The following UBAP2 variants were observed in gnomAD, a reference collection of about 807,000 sequenced individuals.
UBAP2 encodes ubiquitin associated protein 2, also known as ubiquitin-associated protein 2.
UBAP2 carries 75 observed loss-of-function variants against 139.6 expected under a neutral mutation model. That is an observed-to-expected ratio of 0.54 (90% confidence interval 0.45 to 0.65). The LOEUF is 0.65. Ranked by LOEUF, UBAP2 falls within the 30% of genes least tolerant of loss-of-function variation. The probability of loss-of-function intolerance (pLI) is 0.00; values close to 1 mark genes in which losing one functional copy is unlikely to be tolerated. For synonymous variants in UBAP2, 526 were observed against 526.2 expected, an observed-to-expected ratio of 1.00 and a Z score of 0.01; for missense variants, 1,368 against 1,369.6, an observed-to-expected ratio of 1.00 and a Z score of 0.02.
intron 6 of UBAP2, among the ~76,000 whole-genome samples, chr9:33,977,496 C>G (rs1482335333): frequency 6.6e-6 from 1 of 152,076 alleles, no homozygotes; most frequent in Non-Finnish European, 1.5e-5. Context: ...CTGGAATGAA[C>G]AGATTAATCT....
chr9:33,977,228 G>A (rs1314672312), intron 6 of UBAP2, among the ~76,000 whole-genome samples: 6 of 151,388 alleles, frequency 4.0e-5, no homozygotes, highest in South Asian at 2.1e-4. Flanking sequence ...TATTAGAGAC[G>A]GGGTTTCACC....
chr9:33,983,006 T>C (rs1012131181), intron 6 of UBAP2, among the ~76,000 whole-genome samples: 1 of 151,842 alleles, frequency 6.6e-6, no homozygotes, highest in South Asian at 2.1e-4. Flanking sequence ...GGCCTCCAAG[T>C]AGCTGGGACT....
In UBAP2 at chr9:33,985,076, T is replaced by C. The variant is rs180982480; in HGVS notation, c.520+1684A>G. 1.2e-3 allele frequency among the ~76,000 whole-genome samples: 183 copies of C among 152,190 alleles called. 2 individuals are homozygous for C. Among genetic ancestry groups the C allele is most frequent in the Non-Finnish European group, 5.4e-4 (37 of 67,986 alleles). On this transcript the variant is annotated intron_variant, in intron 6 of 28. Coordinates refer to ENST00000379238, the MANE Select transcript of UBAP2 (RefSeq NM_001370062.2). The stretch of plus-strand genomic sequence containing the variant: ...ATGGAGATTTATCAAAAACAAAAAA[T>C]TGAATTACCGTATGATCCAGCAATC...
intron 8 of UBAP2, among the ~76,000 whole-genome samples, chr9:33,964,943 C>A (rs12683890): frequency 0.13 from 19,986 of 152,096 alleles, 1,572 homozygotes; most frequent in South Asian, 0.33. Flanking sequence ...CCTTTAAAGC[C>A]ATTTTAATAG....
At chr9:34,007,421 A>G (rs1394554924) in intron 2 of UBAP2, among the ~76,000 whole-genome samples, 1 of 151,334 alleles carries the variant, frequency 6.6e-6, no homozygotes, top group Admixed American at 6.6e-5. Context: ...TCTTGAGCCT[A>G]GGGGGGTCAA....
At chr9:33,947,265 CTA>C (rs1032925122) in intron 13 of UBAP2, among the ~76,000 whole-genome samples, 5 of 152,290 alleles carry the variant, frequency 3.3e-5, no homozygotes, top group African/African-American at 1.2e-4. Context: ...CCCTGTCTCT[CTA>C]TATGCCCTAA....
Position 33,923,166 on chromosome 9 carries a change from A to G in UBAP2, c.3004+20T>C, listed in dbSNP as rs781269139. 3 of 1,613,868 alleles carry G rather than the reference A, an allele frequency of 1.9e-6. No homozygotes were observed. The highest frequency in any genetic ancestry group is 2.5e-6 in the Non-Finnish European group (3 of 1,179,840). ...CCCACCACTCCAGGCCTTATCCTGG[A>G]AAGGAGAGGTAAACACTACCTTTGC... On this transcript the variant is annotated intron_variant, in intron 26 of 28. Transcript: ENST00000379238.
At chr9:33,989,545 A>G (rs528881807) in intron 4 of UBAP2, among the ~76,000 whole-genome samples, 1 of 152,278 alleles carries the variant, frequency 6.6e-6, no homozygotes, top group South Asian at 2.1e-4. Context: ...CTTGCAGCTC[A>G]CCTGCTTATC....
At chr9:33,925,089 A>AG (rs1445642402) in intron 22 of UBAP2, among the ~76,000 whole-genome samples, 1 of 152,144 alleles carries the variant, frequency 6.6e-6, no homozygotes, top group African/African-American at 2.4e-5. Flanking sequence ...AGCTTCGTGG[A>AG]GGAGGGGAGG....
chr9:33,954,372 A>G (rs1826374102), intron 11 of UBAP2, among the ~76,000 whole-genome samples: 1 of 152,088 alleles, frequency 6.6e-6, no homozygotes, highest in Non-Finnish European at 1.5e-5. Flanking sequence ...ACTGTTAACC[A>G]GAACTCTTAA....
At chr9:33,924,420 G>C in intron 22 of UBAP2, 136 bp from the exon 23 acceptor site, 1 of 836,306 alleles carries the variant, frequency 1.2e-6, no homozygotes, top group Non-Finnish European at 1.9e-6. Context: ...CCCAGGGAAC[G>C]CCAAGTAAAT....
intron 8 of UBAP2, among the ~76,000 whole-genome samples, chr9:33,970,812 T>C (rs1234378638): frequency 6.6e-6 from 1 of 152,102 alleles, no homozygotes; most frequent in Non-Finnish European, 1.5e-5. Flanking sequence ...GTTTTTGTTG[T>C]CATTGTTTGA....
intron 17 of UBAP2, among the ~76,000 whole-genome samples, chr9:33,934,903 A>T (rs1382539147): frequency 1.3e-5 from 2 of 152,120 alleles, no homozygotes; most frequent in African/African-American, 4.8e-5. Context: ...AATACCAGCA[A>T]ATGTCAAACC....
intron 1 of UBAP2, among the ~76,000 whole-genome samples, chr9:34,024,027 G>A (rs543118136): frequency 6.8e-6 from 1 of 146,822 alleles, no homozygotes; most frequent in African/African-American, 2.5e-5. Flanking sequence ...CCGGGTGACA[G>A]AGCAAGACTC....
chr9:34,021,992 C>G (rs907224700), intron 1 of UBAP2, among the ~76,000 whole-genome samples: 3 of 152,130 alleles, frequency 2.0e-5, no homozygotes, highest in African/African-American at 7.2e-5. Context: ...CACCTGTAAT[C>G]CCAACACTTT....
chr9:33,962,020 TTCTG>T (rs1377178847), intron 9 of UBAP2, among the ~76,000 whole-genome samples: 1 of 152,186 alleles, frequency 6.6e-6, no homozygotes, highest in African/African-American at 2.4e-5. Context: ...AAACATTTAA[TTCTG>T]TCTGAGAAAC....
chr9:33,965,815 G>C (rs1347855707), intron 8 of UBAP2, among the ~76,000 whole-genome samples: 1 of 150,352 alleles, frequency 6.7e-6, no homozygotes, highest in Non-Finnish European at 1.5e-5. Context: ...CTGAGAGGCC[G>C]AGGCGGGTAG....
At chr9:33,991,705 A>C (rs1203973106) in intron 4 of UBAP2, among the ~76,000 whole-genome samples, 1 of 152,228 alleles carries the variant, frequency 6.6e-6, no homozygotes, top group African/African-American at 2.4e-5. Flanking sequence ...CACACTGAAC[A>C]AACTCAATTT....
In UBAP2 at chr9:33,922,305, C is replaced by CA. The variant is rs2130840068; in HGVS notation, c.*198_*199insT. The CA allele has an allele frequency of 1.7e-6, 1 of 595,726 alleles. No homozygotes were observed. Among genetic ancestry groups the CA allele is most frequent in the South Asian group, 2.0e-5 (1 of 49,248 alleles). 36.9% of individuals were successfully genotyped at this position (595,726 alleles called of 1,614,324 possible). A position where few individuals can be genotyped will look rare whatever the true frequency, so the allele number is the denominator to read the frequency against. ...TCTGCCGCCATCCCCCAACTCCCCC[C>CA]CAGACTTCTATCACATTTACAAATA... On this transcript the variant is annotated 3_prime_UTR_variant, in exon 29 of 29. Coordinates refer to ENST00000379238, the MANE Select transcript of UBAP2 (RefSeq NM_001370062.2).
Sources: gnomAD v4.1 joint callset for allele counts (sites outside exome capture counted in the v4.1 genomes callset) on GRCh38, gnomAD v4.1.1 for gene constraint, MANE v1.5 for transcripts, NCBI Gene and HGNC (gene_info 2026-07-23, HGNC 2026-07-21) for gene names.